TAFA5: variants seen among roughly 807,000 people sequenced by gnomAD.
TAFA5 encodes the protein TAFA chemokine like family member 5.
A neutral mutation model predicts 15.3 loss-of-function variants in TAFA5; 6 were observed. That is an observed-to-expected ratio of 0.39 (90% CI 0.21 to 0.77). The LOEUF is 0.77. TAFA5 is among the 30% of genes least tolerant of loss of function. TAFA5 has a pLI of 0.41. For synonymous variants in TAFA5, 103 were observed against 80.7 expected (o/e 1.28, Z -1.48); for missense variants, 161 against 193.1 (o/e 0.83, Z 0.98).
intron 2 of TAFA5, among the ~76,000 whole-genome samples, chr22:48,701,911 C>A (rs774278603): frequency 7.9e-5 from 12 of 152,218 alleles, no homozygotes; most frequent in Non-Finnish European, 1.3e-4. Context: ...CTAGGTGCAG[C>A]GGCTGCGTCA....
intron 1 of TAFA5, among the ~76,000 whole-genome samples, chr22:48,496,995 G>A (rs1928349412): frequency 6.6e-6 from 1 of 152,230 alleles, no homozygotes; most frequent in African/African-American, 2.4e-5. Flanking sequence ...GGGAGGAGCT[G>A]CTGGACTGGA....
In TAFA5 at chr22:48,751,698, AG is replaced by A. The variant is rs1930501568; in HGVS notation, c.*1854del. Reference sequence around the variant, plus strand: ...CATCACAGAGGGGGTGGGCCTGGAAAGGGTCCTTCCCAAGCTGCCCCGGCTC... The same window carrying A: ...CATCACAGAGGGGGTGGGCCTGGAAAGGTCCTTCCCAAGCTGCCCCGGCTC... On this transcript the variant is annotated 3_prime_UTR_variant, in exon 4 of 4. Transcript: ENST00000402357. 6.6e-6 allele frequency: 1 copy of A among 152,376 alleles called. No homozygotes were observed. Among genetic ancestry groups the A allele is most frequent in the Non-Finnish European group, 1.5e-5 (1 of 68,036 alleles). The allele number at this position is 152,376 out of a possible 1,614,324, so 9.4% of individuals were successfully genotyped here.
intron 2 of TAFA5, among the ~76,000 whole-genome samples, chr22:48,692,198 C>T (rs1382435210): frequency 1.3e-5 from 2 of 151,920 alleles, no homozygotes; most frequent in African/African-American, 4.8e-5. Flanking sequence ...CTGAGAGCTG[C>T]CTCCAGCCTG....
At chr22:48,688,236 C>T (rs993508832) in intron 2 of TAFA5, among the ~76,000 whole-genome samples, 1 of 151,986 alleles carries the variant, frequency 6.6e-6, no homozygotes, top group African/African-American at 2.4e-5. Flanking sequence ...ATGAATCACT[C>T]TAATCAGAGA....
At chr22:48,502,598 T>G (rs930811387) in intron 1 of TAFA5, among the ~76,000 whole-genome samples, 2 of 146,892 alleles carry the variant, frequency 1.4e-5, no homozygotes, top group Non-Finnish European at 1.5e-5. Flanking sequence ...CTCGGCTCAC[T>G]GCAGCCTCCA....
chr22:48,623,207 G>C (rs553125058), intron 1 of TAFA5, among the ~76,000 whole-genome samples: 146 of 152,146 alleles, frequency 9.6e-4, no homozygotes, highest in Non-Finnish European at 1.7e-3. Flanking sequence ...GCAGCCTGTT[G>C]CGTGGCCCTG....
intron 2 of TAFA5, among the ~76,000 whole-genome samples, chr22:48,649,683 A>G (rs989748175): frequency 6.6e-6 from 1 of 151,990 alleles, no homozygotes; most frequent in African/African-American, 2.4e-5. Flanking sequence ...CCACAGCCAC[A>G]GCCCTCCTGG....
rs113268806 is a variant in TAFA5, at chr22:48,742,641, C to G, written c.391-7198C>G. ...TGGTGGACCAGGCAACGTGGTAGACCGGGCCGCATGGTGGACCAGGCAACG... is the reference window on the plus strand; with the variant it reads ...TGGTGGACCAGGCAACGTGGTAGACGGGGCCGCATGGTGGACCAGGCAACG... On this transcript the variant is annotated intron_variant, in intron 3 of 3. Transcript: ENST00000402357. This position sits in a 1 kb window ranked among gnomAD's most constrained non-coding sequence, Gnocchi z 6.2. 6.6e-6 allele frequency among the ~76,000 whole-genome samples: 1 copy of G among 151,964 alleles called. No individual in the cohort carries two copies. The highest frequency in any genetic ancestry group is 2.4e-5 in the African/African-American group (1 of 41,382).
At chr22:48,512,497 A>C (rs932042870) in intron 1 of TAFA5, among the ~76,000 whole-genome samples, 1 of 151,922 alleles carries the variant, frequency 6.6e-6, no homozygotes, top group Non-Finnish European at 1.5e-5. Context: ...CATCCCAGCT[A>C]CTCGGGAGGC....
chr22:48,714,558 G>A (rs1929346779), intron 3 of TAFA5, among the ~76,000 whole-genome samples: 1 of 152,170 alleles, frequency 6.6e-6, no homozygotes, highest in Non-Finnish European at 1.5e-5. Context: ...GAGAGACCTG[G>A]GCGGCGTTGG....
chr22:48,694,816 G>GCCGCCGCTCCAGACTTCCACCCCCACCCC (rs1569082639), intron 2 of TAFA5, among the ~76,000 whole-genome samples: 1 of 43,578 alleles, frequency 2.3e-5, no homozygotes, highest in African/African-American at 6.5e-5. Context: ...GCCCCCACCC[G>GCCGCCGCTCCAGACTTCCACCCCCACCCC]CCGCCGCTCC....
intron 1 of TAFA5, among the ~76,000 whole-genome samples, chr22:48,521,941 G>T (rs1335588697): frequency 1.3e-5 from 2 of 152,138 alleles, no homozygotes; most frequent in Admixed American, 1.3e-4. Flanking sequence ...CTCGGGGAGG[G>T]GCTTAGACGA....
intron 2 of TAFA5, among the ~76,000 whole-genome samples, chr22:48,678,278 A>T (rs1338431452): frequency 3.9e-5 from 6 of 152,138 alleles, no homozygotes; most frequent in African/African-American, 9.7e-5. Flanking sequence ...GGCTCTGTGC[A>T]GCTGATGTTC....
At chr22:48,605,949 G>A (rs1469804984) in intron 1 of TAFA5, among the ~76,000 whole-genome samples, 1 of 152,192 alleles carries the variant, frequency 6.6e-6, no homozygotes, top group African/African-American at 2.4e-5. Context: ...GGAAGGGCCT[G>A]CCCCATGGGG....
chr22:48,696,165 C>T (rs986077548), intron 2 of TAFA5, among the ~76,000 whole-genome samples: 37 of 152,340 alleles, frequency 2.4e-4, no homozygotes, highest in African/African-American at 8.7e-4. Context: ...CACCCTCAGA[C>T]CCCTGCACAC....
At chr22:48,581,914 T>C (rs934204712) in intron 1 of TAFA5, among the ~76,000 whole-genome samples, 6 of 152,110 alleles carry the variant, frequency 3.9e-5, no homozygotes. Flanking sequence ...ACACATAGTT[T>C]TGTGGCTGCA....
At position 48,707,860 on chromosome 22, in the gene TAFA5, C is replaced by T. The variant is rs756883810; in HGVS notation, c.390+16C>T. 1 of 1,609,232 alleles carries T rather than the reference C, an allele frequency of 6.2e-7. No individual in the cohort carries two copies. The highest frequency in any genetic ancestry group is 8.5e-7 in the Non-Finnish European group (1 of 1,177,310). On this transcript the variant is annotated intron_variant, in intron 3 of 3. Transcript: ENST00000402357. ...GACCACCACGGTATGTGGCCCTCGG[C>T]TTTCTCGTGGGTGTGCTGGGGAGGG...
At chr22:48,599,013 G>A (rs1235161867) in intron 1 of TAFA5, among the ~76,000 whole-genome samples, 1 of 152,184 alleles carries the variant, frequency 6.6e-6, no homozygotes, top group Non-Finnish European at 1.5e-5. Context: ...ATAGGGCCAG[G>A]GGAGGGGCGT....
chr22:48,697,003 A>G (rs1017742317), intron 2 of TAFA5, among the ~76,000 whole-genome samples: 1 of 152,204 alleles, frequency 6.6e-6, no homozygotes, highest in Non-Finnish European at 1.5e-5. Context: ...ATGAGAAACC[A>G]GGGGCAAAAG....
Sources: gnomAD v4.1 joint callset for allele counts (sites outside exome capture counted in the v4.1 genomes callset) on GRCh38, gnomAD v4.1.1 for gene constraint, Gnocchi (gnomAD v3.1) non-coding constraint, MANE v1.5 for transcripts, NCBI Gene and HGNC (gene_info 2026-07-23, HGNC 2026-07-21) for gene names.